The following NTM variants were observed in gnomAD, a reference collection of about 807,000 sequenced individuals.
NTM encodes IgLON family member 2.
Under a neutral mutation model 42.1 loss-of-function variants are expected in NTM, and 13 were observed. The ratio of observed to expected loss-of-function variants is 0.31; its 90% confidence interval spans 0.20 to 0.49. The LOEUF (loss-of-function observed/expected upper bound fraction) is 0.49. NTM is among the 20% of genes least tolerant of loss of function. NTM has a pLI of 0.99. For synonymous variants in NTM, 187 were observed against 179.2 expected, an observed-to-expected ratio of 1.04 and a Z score of -0.35; for missense variants, 373 against 452.8, an observed-to-expected ratio of 0.82 and a Z score of 1.60.
At chr11:131,521,381 G>GTTTT (rs2049660915) in intron 1 of NTM, among the ~76,000 whole-genome samples, 2 of 103,386 alleles carry the variant, frequency 1.9e-5, no homozygotes, top group Admixed American at 1.3e-4. Flanking sequence ...CAAGGTGCCA[G>GTTTT]TCTTTTTTTT....
intron 1 of NTM, among the ~76,000 whole-genome samples, chr11:131,740,100 A>G (rs907071552): frequency 6.6e-6 from 1 of 152,156 alleles, no homozygotes; most frequent in African/African-American, 2.4e-5. Context: ...TTTCTTATTT[A>G]CAATACTGGG....
At chr11:131,811,050 A>G (rs963105672) in intron 1 of NTM, among the ~76,000 whole-genome samples, 3 of 152,246 alleles carry the variant, frequency 2.0e-5, no homozygotes, top group Non-Finnish European at 4.4e-5. Context: ...TACATTTATA[A>G]TAATGTGATT....
chr11:131,942,712 G>A (rs978394582), intron 2 of NTM, among the ~76,000 whole-genome samples: 2 of 152,090 alleles, frequency 1.3e-5, no homozygotes, highest in East Asian at 1.9e-4. Flanking sequence ...TTGGGAGGCC[G>A]AGGTGGATGG....
At chr11:131,424,779 C>T (rs538966270) in intron 1 of NTM, among the ~76,000 whole-genome samples, 4 of 144,898 alleles carry the variant, frequency 2.8e-5, no homozygotes, top group Non-Finnish European at 6.0e-5. Flanking sequence ...CCGTGTTAGC[C>T]AGGAAGGTCT....
intron 1 of NTM, among the ~76,000 whole-genome samples, chr11:131,813,486 G>T (rs1452553357): frequency 6.6e-6 from 1 of 152,130 alleles, no homozygotes; most frequent in Non-Finnish European, 1.5e-5. Flanking sequence ...AGGCTGTAGG[G>T]AGTACAGGAA....
intron 1 of NTM, among the ~76,000 whole-genome samples, chr11:131,594,588 G>A (rs916854892): frequency 1.3e-5 from 2 of 151,818 alleles, no homozygotes; most frequent in African/African-American, 2.4e-5. Flanking sequence ...TTCTTGAGAT[G>A]GGGTCTTACT....
intron 3 of NTM, among the ~76,000 whole-genome samples, chr11:132,203,757 G>A (rs1334819263): frequency 6.6e-6 from 1 of 152,008 alleles, no homozygotes; most frequent in Non-Finnish European, 1.5e-5. Flanking sequence ...AAATTAGCTG[G>A]GCTTGGTTTC....
intron 1 of NTM, among the ~76,000 whole-genome samples, chr11:131,910,510 C>A (rs996344777): frequency 6.6e-6 from 1 of 151,478 alleles, no homozygotes; most frequent in Admixed American, 6.6e-5. Context: ...GCGCAGTCCG[C>A]GCCGCCAGCC....
intron 1 of NTM, among the ~76,000 whole-genome samples, chr11:131,657,571 C>T (rs1198832263): frequency 6.6e-6 from 1 of 152,172 alleles, no homozygotes; most frequent in Admixed American, 6.5e-5. Flanking sequence ...TCAGAACACC[C>T]CATGCCTACC....
At chr11:131,710,713 T>C (rs889729172) in intron 1 of NTM, among the ~76,000 whole-genome samples, 3 of 152,128 alleles carry the variant, frequency 2.0e-5, no homozygotes, top group African/African-American at 7.2e-5. Flanking sequence ...AACTCTTGGG[T>C]TGGGACACAG....
At chr11:132,069,171 A>G (rs1381403574) in intron 2 of NTM, among the ~76,000 whole-genome samples, 1 of 151,806 alleles carries the variant, frequency 6.6e-6, no homozygotes, top group Non-Finnish European at 1.5e-5. Flanking sequence ...AGGTTAGTTA[A>G]CACGTCACAC....
chr11:132,330,294 C>T, intron 8 of NTM, 109 bp downstream of exon 8: 1 of 1,251,164 alleles, frequency 8.0e-7, no homozygotes, highest in Non-Finnish European at 1.1e-6. Flanking sequence ...GGAAGCAGCG[C>T]AGAGGGAACC....
chr11:132,198,032 T>C (rs2138401561), intron 3 of NTM, among the ~76,000 whole-genome samples: 1 of 152,224 alleles, frequency 6.6e-6, no homozygotes. Flanking sequence ...GATGGCTGGG[T>C]CAAATGATAT....
chr11:132,157,346 T>C (rs548049016), intron 3 of NTM, among the ~76,000 whole-genome samples: 21 of 152,282 alleles, frequency 1.4e-4, no homozygotes, highest in Non-Finnish European at 2.8e-4. Flanking sequence ...TTAAAAAAAA[T>C]CTCTTTGGAG....
At chr11:132,136,666 G>A in intron 2 of NTM, among the ~76,000 whole-genome samples, 1 of 152,186 alleles carries the variant, frequency 6.6e-6, no homozygotes, top group Non-Finnish European at 1.5e-5. Context: ...TAACTGGAAG[G>A]GAAATGGCAG....
chr11:131,845,335 T>C (rs2044760402), intron 1 of NTM, among the ~76,000 whole-genome samples: 1 of 152,080 alleles, frequency 6.6e-6, no homozygotes. Context: ...TTGGGGGAGC[T>C]TGTGTTTGTA....
intron 2 of NTM, among the ~76,000 whole-genome samples, chr11:132,110,683 T>C (rs1265477794): frequency 6.6e-6 from 1 of 151,716 alleles, no homozygotes; most frequent in African/African-American, 2.4e-5. Context: ...CAACACAGAG[T>C]TTTTATTGAA....
chr11:131,678,735 G>A (rs143712212), intron 1 of NTM, among the ~76,000 whole-genome samples: 3 of 152,264 alleles, frequency 2.0e-5, no homozygotes, highest in African/African-American at 7.2e-5. Context: ...TGGGGAAGAG[G>A]TTGTCACTGG....
At chr11:132,273,135 T>C (rs2093560953) in intron 4 of NTM, among the ~76,000 whole-genome samples, 1 of 152,076 alleles carries the variant, frequency 6.6e-6, no homozygotes, top group South Asian at 2.1e-4. Context: ...TTTTATCAAA[T>C]GCTTTTACTG....
Sources: gnomAD v4.1 joint callset for allele counts (sites outside exome capture counted in the v4.1 genomes callset) on GRCh38, gnomAD v4.1.1 for gene constraint, MANE v1.5 for transcripts, NCBI Gene and HGNC (gene_info 2026-07-23, HGNC 2026-07-21) for gene names.